Variants in C8orf34 observed in about 807,000 individuals in gnomAD.
C8orf34 encodes the protein chromosome 8 open reading frame 34.
Under a neutral mutation model 68.3 loss-of-function variants are expected in C8orf34, and 65 were observed. That is an observed-to-expected ratio of 0.95 (90% confidence interval 0.78 to 1.17). The LOEUF is 1.17. Among genes scored for constraint, C8orf34 ranks in the 50% most tolerant of loss-of-function variants. The pLI is 0.00. For synonymous variants in C8orf34, 244 were observed against 241.2 expected (o/e 1.01, Z -0.11); for missense variants, 664 against 655.4 (o/e 1.01, Z -0.14).
At chr8:68,467,093 A>G (rs1812180463) in intron 3 of C8orf34, among the ~76,000 whole-genome samples, 1 of 152,038 alleles carries the variant, frequency 6.6e-6, no homozygotes, top group South Asian at 2.1e-4. Flanking sequence ...ACAATCAAAC[A>G]TAAGGTTCTC....
At chr8:68,560,471 G>A (rs940130876) in intron 7 of C8orf34, among the ~76,000 whole-genome samples, 1 of 152,108 alleles carries the variant, frequency 6.6e-6, no homozygotes, top group African/African-American at 2.4e-5. Flanking sequence ...TTCACTTAAC[G>A]ATGGGGACAC....
At chr8:68,459,298 C>T (rs1245267944) in intron 3 of C8orf34, among the ~76,000 whole-genome samples, 4 of 152,052 alleles carry the variant, frequency 2.6e-5, no homozygotes, top group Admixed American at 6.5e-5. Flanking sequence ...GGCATGGTCT[C>T]AGTTCACTGC....
At chr8:68,470,702 G>A (rs1812344013) in intron 4 of C8orf34, among the ~76,000 whole-genome samples, 1 of 152,080 alleles carries the variant, frequency 6.6e-6, no homozygotes, top group South Asian at 2.1e-4. Flanking sequence ...TATCTGATGA[G>A]GACCTGTTTC....
intron 7 of C8orf34, among the ~76,000 whole-genome samples, chr8:68,575,004 A>T (rs2130298107): frequency 6.6e-6 from 1 of 152,090 alleles, no homozygotes; most frequent in East Asian, 1.9e-4. Flanking sequence ...AATTTTAATA[A>T]ATATTAATGC....
At chr8:68,525,564 C>A in intron 6 of C8orf34, 2 of 916,218 alleles carry the variant, frequency 2.2e-6, no homozygotes, top group South Asian at 2.7e-5. Context: ...CTTCGTCTTA[C>A]TTCTTTGTGG....
At chr8:68,377,694 C>A in intron 1 of C8orf34, among the ~76,000 whole-genome samples, 1 of 152,058 alleles carries the variant, frequency 6.6e-6, no homozygotes, top group Non-Finnish European at 1.5e-5. Context: ...GTTTGGCAAT[C>A]TCATTTTTTT....
chr8:68,398,828 C>A (rs764364923), intron 1 of C8orf34, among the ~76,000 whole-genome samples: 2 of 152,132 alleles, frequency 1.3e-5, no homozygotes, highest in Non-Finnish European at 2.9e-5. Context: ...GAGAAATTTA[C>A]TGAAAAAGCA....
At chr8:68,538,497 C>A (rs1402093263) in intron 7 of C8orf34, among the ~76,000 whole-genome samples, 1 of 149,024 alleles carries the variant, frequency 6.7e-6, no homozygotes. Context: ...TCATGGCTAA[C>A]AGGAATATTT....
intron 12 of C8orf34, among the ~76,000 whole-genome samples, chr8:68,800,108 A>G (rs1824288099): frequency 6.6e-6 from 1 of 152,192 alleles, no homozygotes; most frequent in East Asian, 1.9e-4. Flanking sequence ...GGTTGTAAAG[A>G]TAAGAAGTGT....
chr8:68,460,758 A>C (rs898455964), intron 3 of C8orf34, among the ~76,000 whole-genome samples: 3 of 152,210 alleles, frequency 2.0e-5, no homozygotes, highest in Non-Finnish European at 2.9e-5. Context: ...AAAACTAACA[A>C]ACAGAAAGGA....
intron 7 of C8orf34, among the ~76,000 whole-genome samples, chr8:68,537,433 A>C (rs549914255): frequency 6.6e-6 from 1 of 151,980 alleles, no homozygotes; most frequent in South Asian, 2.1e-4. Flanking sequence ...AAGATTATTC[A>C]TAAGAAATCT....
intron 10 of C8orf34, among the ~76,000 whole-genome samples, chr8:68,738,434 A>C (rs2129527136): frequency 6.6e-6 from 1 of 152,258 alleles, no homozygotes; most frequent in South Asian, 2.1e-4. Flanking sequence ...GCAGAAGACA[A>C]GAAATAACAA....
chr8:68,373,631 T>A (rs950024516), intron 1 of C8orf34, among the ~76,000 whole-genome samples: 1 of 152,232 alleles, frequency 6.6e-6, no homozygotes, highest in African/African-American at 2.4e-5. Flanking sequence ...TATGGTTAAC[T>A]TAATGGTAAA....
chr8:68,450,578 G>A (rs896504297), intron 3 of C8orf34, among the ~76,000 whole-genome samples: 2 of 152,144 alleles, frequency 1.3e-5, no homozygotes, highest in African/African-American at 4.8e-5. Flanking sequence ...TAACAGACAC[G>A]AAAATATTAA....
Position 68,678,099 on chromosome 8 carries a change from T to C in C8orf34, c.1242-30895T>C, listed in dbSNP as rs142577024. Among the ~76,000 whole-genome samples, 111 of 152,230 alleles carry C rather than the reference T, an allele frequency of 7.3e-4. 1 individual carries two copies. The highest frequency in any genetic ancestry group is 2.3e-3 in the African/African-American group (94 of 41,558). On this transcript the variant is annotated intron_variant, in intron 8 of 13. Coordinates refer to ENST00000518698, the MANE Select transcript of C8orf34 (RefSeq NM_052958.4). ...GATTTAAGCTGTAATAAAAATCTCC[T>C]AGCCTGGCACCTGATGGCTTCACTG... is the stretch of plus-strand genomic sequence containing the variant.
At chr8:68,412,872 T>G (rs1344962105) in intron 1 of C8orf34, among the ~76,000 whole-genome samples, 2 of 152,108 alleles carry the variant, frequency 1.3e-5, no homozygotes, top group Non-Finnish European at 2.9e-5. Flanking sequence ...ATCCCACCAC[T>G]TCTTCGTTGT....
intron 4 of C8orf34, among the ~76,000 whole-genome samples, chr8:68,477,362 T>A (rs1472538318): frequency 6.6e-6 from 1 of 152,204 alleles, no homozygotes; most frequent in Non-Finnish European, 1.5e-5. Context: ...ACATGGCCCA[T>A]GCCTGGAGGC....
chr8:68,463,798 A>G (rs1252678645), intron 3 of C8orf34, among the ~76,000 whole-genome samples: 1 of 152,196 alleles, frequency 6.6e-6, no homozygotes. Flanking sequence ...ATCTCAAAAT[A>G]ATAAGAGCTA....
intron 10 of C8orf34, among the ~76,000 whole-genome samples, chr8:68,767,972 T>C (rs1383382439): frequency 6.6e-6 from 1 of 152,234 alleles, no homozygotes; most frequent in Admixed American, 6.5e-5. Flanking sequence ...TACTATTTGG[T>C]GAGCCAGTAA....
Sources: allele counts gnomAD v4.1 joint callset (sites outside exome capture counted in the v4.1 genomes callset), GRCh38; gene constraint gnomAD v4.1.1; transcripts MANE v1.5; gene names NCBI Gene and HGNC (gene_info 2026-07-23, HGNC 2026-07-21).